Variants in SLC29A4 observed in about 807,000 individuals in gnomAD.
SLC29A4 encodes the protein solute carrier family 29 member 4, also known as equilibrative nucleoside transporter 4.
In SLC29A4, 36 loss-of-function variants were observed where a neutral mutation model predicts 43.9. That is an observed-to-expected ratio of 0.82 (90% CI 0.63 to 1.08). The LOEUF is 1.08. Among genes scored for constraint, SLC29A4 ranks in the 50% least tolerant of loss-of-function variants. SLC29A4 has a pLI of 0.00. For missense variants in SLC29A4, 869 were observed against 755.3 expected, an observed-to-expected ratio of 1.15 and a Z score of -1.77; for synonymous variants, 491 against 338.0, an observed-to-expected ratio of 1.45 and a Z score of -4.97.
intron 1 of SLC29A4, among the ~76,000 whole-genome samples, chr7:5,284,343 C>A (rs550814011): frequency 1.3e-5 from 2 of 152,298 alleles, no homozygotes; most frequent in African/African-American, 4.8e-5. Context: ...GCTGAGCCTA[C>A]CCCACCAGCC....
intron 5 of SLC29A4, among the ~76,000 whole-genome samples, chr7:5,293,394 A>G (rs1785440658): frequency 6.8e-6 from 1 of 148,018 alleles, no homozygotes; most frequent in Admixed American, 6.7e-5. Flanking sequence ...CTGCTCTCGA[A>G]CTCCTGACCT....
intron 3 of SLC29A4, 70 bp from the exon 4 acceptor site, chr7:5,291,054 T>C: frequency 6.3e-7 from 1 of 1,575,194 alleles, no homozygotes; most frequent in Non-Finnish European, 8.7e-7. Context: ...TTCTGGGAGG[T>C]CTCACCTGGC....
chr7:5,294,997 TC>T, intron 6 of SLC29A4, 63 bp downstream of exon 6: 1 of 1,397,140 alleles, frequency 7.2e-7, no homozygotes, highest in South Asian at 1.3e-5. Flanking sequence ...GGAAGCTTCT[TC>T]CCAGGGACTC....
chr7:5,301,848 G>C (rs7811048), intron 10 of SLC29A4, among the ~76,000 whole-genome samples: 4,153 of 152,268 alleles, frequency 0.027, 186 homozygotes, highest in African/African-American at 0.095. Flanking sequence ...AAGAGGCCTC[G>C]TTGGGAGGGG....
rs778164806 is a variant in SLC29A4, at chr7:5,291,685, C to T, written c.416-8C>T. 7 of 1,601,916 alleles carry T rather than the reference C, an allele frequency of 4.4e-6. No homozygotes were observed. In the East Asian group the frequency reaches 6.7e-5, roughly 15 times the overall value. On this transcript the variant is annotated splice_polypyrimidine_tract_variant and splice_region_variant and intron_variant, in intron 4 of 10. Transcript: ENST00000396872. ...CACCACTCCCCTCACTAGCCTCTCCCCCAACAGGCTACCTCTTAGCCTTGG... is the reference window on the plus strand; with the variant it reads ...CACCACTCCCCTCACTAGCCTCTCCTCCAACAGGCTACCTCTTAGCCTTGG...
At chr7:5,283,534 A>T (rs1000014827) in intron 1 of SLC29A4, among the ~76,000 whole-genome samples, 4 of 152,224 alleles carry the variant, frequency 2.6e-5, no homozygotes, top group African/African-American at 7.2e-5. Context: ...CCGCGAGCCA[A>T]CTTTGCGGCT....
intron 5 of SLC29A4, among the ~76,000 whole-genome samples, chr7:5,292,613 T>C (rs1243957374): frequency 1.3e-5 from 2 of 151,684 alleles, no homozygotes; most frequent in Non-Finnish European, 2.9e-5. Flanking sequence ...TGAGAGTTAG[T>C]TGTAGATGTC....
rs866030506 is a variant in SLC29A4, at chr7:5,283,065, A to G, written c.-26A>G. On this transcript the variant is annotated 5_prime_UTR_variant, in exon 1 of 11. Transcript: ENST00000396872. ...GCGTGGCGGGCGCGCCGAGGACCCC[A>G]GGCCGGGCCGGGCCGAGGTAAGCGG... 2,728 of 145,746 alleles carry G rather than the reference A, an allele frequency of 0.019. 37 individuals carry two copies. Among genetic ancestry groups the G allele is most frequent in the Non-Finnish European group, 0.029 (1,897 of 65,636 alleles). The allele number at this position is 145,746 out of a possible 1,614,324, so 9.0% of individuals were successfully genotyped here. A position where few individuals can be genotyped will look rare whatever the true frequency, so the allele number is the denominator to read the frequency against.
At chr7:5,291,018 C>G (rs1356810653) in intron 3 of SLC29A4, 106 bp from the exon 4 acceptor site, 13 of 1,533,688 alleles carry the variant, frequency 8.5e-6, no homozygotes, top group Non-Finnish European at 1.2e-5. Flanking sequence ...AGGGCAGCCA[C>G]TCACCCTCTG....
intron 10 of SLC29A4, among the ~76,000 whole-genome samples, chr7:5,301,109 A>T (rs899928238): frequency 3.3e-5 from 5 of 152,062 alleles, no homozygotes; most frequent in African/African-American, 1.2e-4. Flanking sequence ...AAAAATGTTT[A>T]AAAAATTAGC....
rs1269430038 is a variant in SLC29A4, at chr7:5,305,035, C to G, written c.*2096C>G. ...GTCTTGCTGTTGCCCAGACTGGTCT[C>G]AAAGTCTGGGCCTCAAGTGTTCCCC... On this transcript the variant is annotated 3_prime_UTR_variant, in exon 11 of 11. Coordinates refer to ENST00000396872, the MANE Select transcript of SLC29A4 (RefSeq NM_153247.4). 2.0e-5 allele frequency: 3 copies of G among 152,228 alleles called. No individual in the cohort carries two copies. The highest frequency in any genetic ancestry group is 6.5e-5 in the Admixed American group (1 of 15,274). The allele number at this position is 152,228 out of a possible 1,614,324, so 9.4% of individuals were successfully genotyped here. A position where few individuals can be genotyped will look rare whatever the true frequency, so the allele number is the denominator to read the frequency against.
Position 5,304,271 on chromosome 7 carries a change from C to CT in SLC29A4, c.*1334dup, listed in dbSNP as rs1220836930. 1 of 152,344 alleles carries CT rather than the reference C, an allele frequency of 6.6e-6. No individual in the cohort carries two copies. The highest frequency in any genetic ancestry group is 1.5e-5 in the Non-Finnish European group (1 of 68,272). The allele number at this position is 152,344 out of a possible 1,614,324, so 9.4% of individuals were successfully genotyped here. On this transcript the variant is annotated 3_prime_UTR_variant, in exon 11 of 11. Transcript: ENST00000396872. The stretch of plus-strand genomic sequence containing the variant: ...GGTAGTGGGGTGAGAGCTGGGAGCA[C>CT]TTAGGGTTTGTCGCTCACCTTGACC...
chr7:5,286,582 GCA>G (rs1237676147), intron 1 of SLC29A4, among the ~76,000 whole-genome samples: 1 of 151,800 alleles, frequency 6.6e-6, no homozygotes, highest in Non-Finnish European at 1.5e-5. Flanking sequence ...CCTGCCTCAG[GCA>G]CACACAGGGC....
In SLC29A4 at chr7:5,297,484, C is replaced by T. The variant is rs1217696918; in HGVS notation, c.882+286C>T. 2.0e-5 allele frequency among the ~76,000 whole-genome samples: 3 copies of T among 152,216 alleles called. No homozygotes were observed. In the East Asian group the frequency reaches 5.8e-4, roughly 29 times the overall value. On this transcript the variant is annotated intron_variant, in intron 7 of 10. Transcript: ENST00000396872. The stretch of plus-strand genomic sequence containing the variant: ...CCCACGGCGTGGGGCGTGCATGGCC[C>T]CTGTCCTTAGTGACACTCCACATGA...
intron 5 of SLC29A4, among the ~76,000 whole-genome samples, 174 bp from the exon 6 acceptor site, chr7:5,294,686 C>A (rs983248025): frequency 5.3e-5 from 8 of 152,128 alleles, no homozygotes; most frequent in African/African-American, 1.9e-4. Flanking sequence ...CCTGGCTGAC[C>A]CCAAGGGTAC....
In SLC29A4 at chr7:5,302,920, C is replaced by A; in HGVS notation, c.1574C>A (p.Ser525Tyr). ...CTGCACGCCTCCACCGCCAATGGTT[C>A]CATCCTCGCAGGCCTCTGAGCCAGC... is the stretch of plus-strand genomic sequence containing the variant. ...SCLHASTANG[S>Y]ILAGL The change falls in exon 11 of 11, where the codon TCC becomes TAC. Residue 525 changes from serine (S) to tyrosine (Y), a missense_variant. Transcript: ENST00000396872. The A allele has an allele frequency of 6.2e-7, 1 of 1,607,776 alleles. No individual in the cohort carries two copies.
rs748825125 is a variant in SLC29A4 at position 5,300,548 on chromosome 7, C to T, written c.1336C>T (p.Pro446Ser). The change falls in exon 10 of 11, where the codon CCC (proline) becomes TCC (serine). Residue 446 changes from proline (P) to serine (S), a missense_variant. Pro to Ser is a moderately conservative substitution (Grantham distance 74). Transcript: ENST00000396872. ...CAGCGGCATGCCCGCCCTCCGTCAC[C>T]CCGCCTGGCCCTGCATCTTCTCACT... is the stretch of plus-strand genomic sequence containing the variant. ...YPSGMPALRH[P>S]AWPCIFSLLM... is the part of the protein sequence containing the mutation. The T allele has an allele frequency of 2.5e-6, 4 of 1,612,364 alleles. No homozygotes were observed. The highest frequency in any genetic ancestry group is 3.4e-6 in the Non-Finnish European group (4 of 1,179,762).
intron 5 of SLC29A4, among the ~76,000 whole-genome samples, chr7:5,293,018 C>A (rs1397011905): frequency 6.6e-6 from 1 of 151,078 alleles, no homozygotes; most frequent in Non-Finnish European, 1.5e-5. Flanking sequence ...TTCTTTATAG[C>A]ATTTTTTTTT....
Position 5,290,528 on chromosome 7 carries a change from G to T in SLC29A4, c.170-204G>T, listed in dbSNP as rs535280169. ...TGGCAGCTGCAGTGGCTGTGAGGGC[G>T]TGGGTGTGGTGGCTGTAGCCACAGT... On this transcript the variant is annotated intron_variant, in intron 2 of 10. Transcript: ENST00000396872. Among the ~76,000 whole-genome samples, 312 of 152,314 alleles carry T rather than the reference G, an allele frequency of 2.0e-3. 5 individuals are homozygous for T. Among genetic ancestry groups the T allele is most frequent in the African/African-American group, 7.0e-3 (293 of 41,576 alleles).
Sources: allele counts gnomAD v4.1 joint callset (sites outside exome capture counted in the v4.1 genomes callset), GRCh38; gene constraint gnomAD v4.1.1; transcripts MANE v1.5; gene names NCBI Gene and HGNC (gene_info 2026-07-23, HGNC 2026-07-21).